The following IL1RAPL2 variants were observed in gnomAD, a reference collection of about 807,000 sequenced individuals.
IL1RAPL2 encodes X-linked interleukin-1 receptor accessory protein-like 2.
IL1RAPL2 carries 3 observed loss-of-function variants against 44.1 expected under a neutral mutation model. That is an observed-to-expected ratio of 0.07 (90% CI 0.03 to 0.18). The LOEUF (loss-of-function observed/expected upper bound fraction) is 0.18. IL1RAPL2 is among the 10% of genes least tolerant of loss of function. The pLI, the probability that IL1RAPL2 is intolerant of heterozygous loss-of-function variation, is 1.00. For missense variants in IL1RAPL2, 391 were observed against 496.4 expected (o/e 0.79, Z 2.02); for synonymous variants, 181 against 178.8 (o/e 1.01, Z -0.10).
chrX:105,554,600 CTGTT>C (rs1270230744), intron 6 of IL1RAPL2, among the ~76,000 whole-genome samples: 1 of 111,071 alleles, frequency 9.0e-6, no homozygotes, highest in Non-Finnish European at 1.9e-5. Flanking sequence ...CGCTGATAAT[CTGTT>C]TAATTTTTTT....
chrX:105,205,225 G>A (rs782128380), intron 3 of IL1RAPL2, among the ~76,000 whole-genome samples: 1 of 110,330 alleles, frequency 9.1e-6, no homozygotes, highest in Admixed American at 9.7e-5. Flanking sequence ...AAATCTTGGG[G>A]CAGAGTATTC....
chrX:105,077,422 C>T (rs764179116), intron 2 of IL1RAPL2, among the ~76,000 whole-genome samples: 1 of 112,114 alleles, frequency 8.9e-6, no homozygotes, highest in Non-Finnish European at 1.9e-5. Flanking sequence ...AGCTGTTAGT[C>T]TGATGGGCTT....
chrX:104,758,332 TATC>T (rs1230068287), intron 2 of IL1RAPL2, among the ~76,000 whole-genome samples: 1 of 111,593 alleles, frequency 9.0e-6, no homozygotes, highest in East Asian at 2.8e-4. Context: ...TGTATCATCT[TATC>T]ATGTTGAGTT....
At position 105,233,806 on chromosome X, in the gene IL1RAPL2, C is replaced by G; in HGVS notation, c.357-12C>G. ...CCAATAAAGCCATTTTGTTATTTCT[C>G]TGTTCCTACAGAAACTCAACATATT... is the stretch of plus-strand genomic sequence containing the variant. On this transcript the variant is annotated splice_polypyrimidine_tract_variant and intron_variant, in intron 3 of 10. Coordinates refer to ENST00000372582, the MANE Select transcript of IL1RAPL2 (RefSeq NM_017416.2). 1.7e-6 allele frequency: 2 copies of G among 1,187,951 alleles called. No individual in the cohort carries two copies. Among genetic ancestry groups the G allele is most frequent in the Non-Finnish European group, 2.3e-6 (2 of 880,086 alleles).
chrX:105,194,691 C>G (rs2033660016), intron 2 of IL1RAPL2, among the ~76,000 whole-genome samples: 1 of 111,801 alleles, frequency 8.9e-6, no homozygotes, highest in Non-Finnish European at 1.9e-5. Context: ...TAAATATATG[C>G]TATTAATAGG....
chrX:105,357,819 C>A (rs2035214619), intron 5 of IL1RAPL2, among the ~76,000 whole-genome samples: 2 of 109,491 alleles, frequency 1.8e-5, no homozygotes. Context: ...TATACACACA[C>A]AAGGTATACA....
At chrX:104,868,584 T>C (rs1382989777) in intron 2 of IL1RAPL2, among the ~76,000 whole-genome samples, 1 of 112,360 alleles carries the variant, frequency 8.9e-6, no homozygotes, top group Non-Finnish European at 1.9e-5. Flanking sequence ...TCATCTCACA[T>C]ATGTAATTGT....
intron 7 of IL1RAPL2, among the ~76,000 whole-genome samples, chrX:105,734,236 G>A (rs2038429195): frequency 9.1e-6 from 1 of 110,255 alleles, no homozygotes; most frequent in Non-Finnish European, 1.9e-5. Flanking sequence ...GTGAGCTTGT[G>A]CCCCTGGTAT....
At chrX:105,720,231 A>C in intron 7 of IL1RAPL2, among the ~76,000 whole-genome samples, 1 of 111,944 alleles carries the variant, frequency 8.9e-6, no homozygotes, top group Middle Eastern at 4.6e-3. Flanking sequence ...GACATATAAT[A>C]AATCACACAA....
At chrX:105,408,935 A>G (rs147467033) in intron 5 of IL1RAPL2, among the ~76,000 whole-genome samples, 80 of 110,567 alleles carry the variant, frequency 7.2e-4, no homozygotes, top group African/African-American at 2.3e-3. Context: ...GTTACTTGCT[A>G]TATGATTTTG....
At chrX:105,602,319 C>T (rs1412168800) in intron 6 of IL1RAPL2, among the ~76,000 whole-genome samples, 1 of 109,869 alleles carries the variant, frequency 9.1e-6, no homozygotes, top group African/African-American at 3.3e-5. Context: ...TGACCAAGCA[C>T]TAGCTCACAT....
At chrX:104,660,898 A>C (rs1251063669) in intron 2 of IL1RAPL2, among the ~76,000 whole-genome samples, 1 of 105,078 alleles carries the variant, frequency 9.5e-6, no homozygotes, top group East Asian at 3.1e-4. Context: ...ATGCCACTGC[A>C]CTCCAGCCTG....
chrX:105,542,536 CTT>C (rs2036746841), intron 6 of IL1RAPL2, among the ~76,000 whole-genome samples: 1 of 111,190 alleles, frequency 9.0e-6, no homozygotes, highest in African/African-American at 3.3e-5. Flanking sequence ...GTGAAAATCT[CTT>C]TGCAGTTTTT....
rs189568968 is a variant in IL1RAPL2 at position 104,568,644 on chromosome X, A to G, written c.-20+1593A>G. Among the ~76,000 whole-genome samples, 71 of 111,823 alleles carry G rather than the reference A, an allele frequency of 6.3e-4. 2 individuals are homozygous for G. The highest frequency in any genetic ancestry group is 2.2e-3 in the African/African-American group (69 of 30,780). The stretch of plus-strand genomic sequence containing the variant: ...GCTCTTTGCCAGCAGGGTCTCGGAT[A>G]CTTAGGCTTCCACCCCTTCTTGCCG... On this transcript the variant is annotated intron_variant, in intron 1 of 10. Transcript: ENST00000372582.
intron 6 of IL1RAPL2, among the ~76,000 whole-genome samples, chrX:105,654,014 G>C (rs952186607): frequency 9.1e-6 from 1 of 110,325 alleles, no homozygotes; most frequent in African/African-American, 3.4e-5. Flanking sequence ...TTATGTTAGA[G>C]AATTGAATTG....
chrX:104,570,888 G>C (rs1000818815), intron 1 of IL1RAPL2, among the ~76,000 whole-genome samples: 15 of 110,307 alleles, frequency 1.4e-4, no homozygotes, highest in African/African-American at 4.6e-4. Context: ...TGGGTGTTCT[G>C]TTGTCATGAA....
At chrX:105,672,639 G>A (rs1484549148) in intron 6 of IL1RAPL2, among the ~76,000 whole-genome samples, 1 of 111,800 alleles carries the variant, frequency 8.9e-6, no homozygotes, top group Admixed American at 9.5e-5. Context: ...CAACAGGCAG[G>A]GATTAAGTCT....
chrX:104,800,365 T>A (rs1349505941), intron 2 of IL1RAPL2, among the ~76,000 whole-genome samples: 2 of 107,528 alleles, frequency 1.9e-5, no homozygotes, highest in African/African-American at 6.7e-5. Context: ...GCCAGGTATT[T>A]AAAAAAAAAA....
chrX:105,174,800 A>G (rs1457241575), intron 2 of IL1RAPL2, among the ~76,000 whole-genome samples: 1 of 111,462 alleles, frequency 9.0e-6, no homozygotes, highest in Non-Finnish European at 1.9e-5. Flanking sequence ...AATGTCACCC[A>G]CTGCTGGTGC....
Sources: gnomAD v4.1 joint callset for allele counts (sites outside exome capture counted in the v4.1 genomes callset) on GRCh38, gnomAD v4.1.1 for gene constraint, MANE v1.5 for transcripts, NCBI Gene and HGNC (gene_info 2026-07-23, HGNC 2026-07-21) for gene names.